Variants in NSMAF observed in about 807,000 individuals in gnomAD.
NSMAF encodes neutral sphingomyelinase activation associated factor.
NSMAF carries 90 observed loss-of-function variants against 134.9 expected under a neutral mutation model. That is an observed-to-expected ratio of 0.67 (90% CI 0.56 to 0.79). The LOEUF (loss-of-function observed/expected upper bound fraction) is 0.79, where lower values mean the gene tolerates loss of function less well. NSMAF is among the 30% of genes least tolerant of loss of function. The pLI is 0.00. For synonymous variants in NSMAF, 358 were observed against 389.6 expected (o/e 0.92, Z 0.96); for missense variants, 1,010 against 1,119.0 (o/e 0.90, Z 1.39).
At chr8:58,616,044 G>A (rs1316805613) in intron 9 of NSMAF, among the ~76,000 whole-genome samples, 1 of 152,104 alleles carries the variant, frequency 6.6e-6, no homozygotes, top group African/African-American at 2.4e-5. Context: ...TGACAATTTA[G>A]ATGAAATGGA....
At chr8:58,648,355 A>T (rs980422153) in intron 1 of NSMAF, among the ~76,000 whole-genome samples, 1 of 152,260 alleles carries the variant, frequency 6.6e-6, no homozygotes, top group African/African-American at 2.4e-5. Context: ...AAAGCAGAAC[A>T]TAAAACTCTG....
chr8:58,641,286 A>G (rs1052650944), intron 2 of NSMAF, among the ~76,000 whole-genome samples: 3 of 152,174 alleles, frequency 2.0e-5, no homozygotes, highest in African/African-American at 7.2e-5. Flanking sequence ...TCAGCCTCTT[A>G]GCTAAGATAA....
At chr8:58,642,285 T>C (rs1225335791) in intron 2 of NSMAF, among the ~76,000 whole-genome samples, 1 of 152,212 alleles carries the variant, frequency 6.6e-6, no homozygotes, top group Non-Finnish European at 1.5e-5. Flanking sequence ...AAGGAAATCA[T>C]TAGCAGATAC....
At chr8:58,589,867 GTCCTCA>G (rs1805982607) in intron 25 of NSMAF, 134 bp downstream of exon 25, 1 of 692,854 alleles carries the variant, frequency 1.4e-6, no homozygotes, top group Admixed American at 2.9e-5. Context: ...CAACCATACT[GTCCTCA>G]TCTCTAATAT....
At chr8:58,638,806 G>C (rs1186954991) in intron 2 of NSMAF, among the ~76,000 whole-genome samples, 2 of 152,062 alleles carry the variant, frequency 1.3e-5, no homozygotes, top group Non-Finnish European at 2.9e-5. Flanking sequence ...TGTGCATCAA[G>C]AAAAATAATT....
intron 10 of NSMAF, among the ~76,000 whole-genome samples, chr8:58,609,048 G>A (rs999530824): frequency 6.6e-5 from 10 of 152,190 alleles, no homozygotes; most frequent in African/African-American, 2.4e-4. Context: ...TTGTGAAAGA[G>A]AAGATTGTTT....
At chr8:58,592,910 A>G (rs984791435) in intron 23 of NSMAF, among the ~76,000 whole-genome samples, 1 of 91,284 alleles carries the variant, frequency 1.1e-5, no homozygotes, top group Non-Finnish European at 3.1e-5. Context: ...AACAAAAACA[A>G]CAACAACAAA....
intron 6 of NSMAF, among the ~76,000 whole-genome samples, chr8:58,626,055 C>A (rs1806921697): frequency 6.8e-6 from 1 of 146,386 alleles, no homozygotes; most frequent in African/African-American, 2.5e-5. Flanking sequence ...CCACCCCCAT[C>A]CTTCCCCCTA....
rs1233513782 is a variant in NSMAF, at chr8:58,601,480, G to A, written c.1181C>T (p.Ser394Phe). 1.2e-6 allele frequency: 2 copies of A among 1,612,470 alleles called. No individual in the cohort carries two copies. Among genetic ancestry groups the A allele is most frequent in the African/African-American group, 1.3e-5 (1 of 74,410 alleles). ...PKFMYGSHYS[S>F]PGYVLFYLVR... ...AAGATAAAAAAGTACATAACCCGGG[G>A]AAGAGTAGTGACTCCCATACATGAA... is the stretch of plus-strand genomic sequence containing the variant. The change falls in exon 15 of 31, where the codon TCC (serine) becomes TTC (phenylalanine). Residue 394 changes from serine (S) to phenylalanine (F), a missense_variant. Transcript: ENST00000038176.
chr8:58,643,751 G>A (rs1807385256), intron 1 of NSMAF, among the ~76,000 whole-genome samples: 1 of 151,944 alleles, frequency 6.6e-6, no homozygotes, highest in Non-Finnish European at 1.5e-5. Flanking sequence ...GGCTGGTCTC[G>A]AACTCCCAAC....
At chr8:58,634,721 T>TCTC (rs1171369631) in intron 5 of NSMAF, among the ~76,000 whole-genome samples, 1 of 152,188 alleles carries the variant, frequency 6.6e-6, no homozygotes, top group Non-Finnish European at 1.5e-5. Flanking sequence ...CATGCCTATA[T>TCTC]TGAGTGCAGT....
At chr8:58,650,738 C>T (rs991273238) in intron 1 of NSMAF, among the ~76,000 whole-genome samples, 2 of 152,166 alleles carry the variant, frequency 1.3e-5, no homozygotes, top group African/African-American at 4.8e-5. Flanking sequence ...TATGATGGTT[C>T]ATTTCATTGC....
At chr8:58,659,384 GC>G (rs1300782443) in intron 1 of NSMAF, 188 bp downstream of exon 1, 5 of 1,519,070 alleles carry the variant, frequency 3.3e-6, no homozygotes, top group Non-Finnish European at 2.6e-6. Flanking sequence ...CCCAGACCAG[GC>G]CCCCGGCCTC....
intron 1 of NSMAF, among the ~76,000 whole-genome samples, chr8:58,658,885 G>A (rs1022473237): frequency 3.9e-5 from 6 of 152,174 alleles, no homozygotes; most frequent in African/African-American, 1.4e-4. Flanking sequence ...CTCCGCTGCC[G>A]CACCGCGATT....
chr8:58,603,633 C>T (rs1806338008), intron 12 of NSMAF, among the ~76,000 whole-genome samples: 1 of 152,094 alleles, frequency 6.6e-6, no homozygotes, highest in Non-Finnish European at 1.5e-5. Flanking sequence ...TATGACATAA[C>T]CTAAACAAAT....
chr8:58,595,536 G>A (rs766993890), intron 22 of NSMAF, 24 bp downstream of exon 22: 1 of 1,525,932 alleles, frequency 6.6e-7, no homozygotes, highest in African/African-American at 1.4e-5. Flanking sequence ...ATCAGCTGCT[G>A]AGAAGAAGCA....
At chr8:58,587,404 T>C (rs780781141) in intron 27 of NSMAF, among the ~76,000 whole-genome samples, 1 of 152,114 alleles carries the variant, frequency 6.6e-6, no homozygotes, top group Non-Finnish European at 1.5e-5. Context: ...CTCAGGGAAA[T>C]GTGCAAAGAA....
Position 58,588,623 on chromosome 8 carries a change from C to T in NSMAF, c.2211+829G>A, listed in dbSNP as rs200863030. 1.1e-3 allele frequency: 1,668 copies of T among 1,481,730 alleles called. 8 individuals are homozygous for T. Among genetic ancestry groups the T allele is most frequent in the Non-Finnish European group, 1.3e-3 (1,410 of 1,073,024 alleles). 91.8% of individuals were successfully genotyped at this position (1,481,730 alleles called of 1,614,324 possible). ...GCTTCAGAAATGTCCCTGACTGCTG[C>T]GGCCTCCACTATGTTTCGAATGACG... On this transcript the variant is annotated intron_variant, in intron 26 of 30. Coordinates refer to ENST00000038176, the MANE Select transcript of NSMAF (RefSeq NM_003580.4).
intron 18 of NSMAF, 35 bp downstream of exon 18, chr8:58,599,715 T>C (rs1355769832): frequency 1.3e-6 from 2 of 1,591,120 alleles, no homozygotes; most frequent in Non-Finnish European, 1.7e-6. Flanking sequence ...TGGTAAAGCA[T>C]GTCTATAATA....
Sources: gnomAD v4.1 joint callset for allele counts (sites outside exome capture counted in the v4.1 genomes callset) on GRCh38, gnomAD v4.1.1 for gene constraint, MANE v1.5 for transcripts, NCBI Gene and HGNC (gene_info 2026-07-23, HGNC 2026-07-21) for gene names.